MRPS35: variants seen among roughly 807,000 people sequenced by gnomAD.
The protein encoded by MRPS35 is mitochondrial ribosomal protein S35.
MRPS35 carries 29 observed loss-of-function variants against 32.7 expected under a neutral mutation model. The observed-to-expected ratio is 0.89, with a 90% CI of 0.66 to 1.21. The LOEUF is 1.21. MRPS35 is among the 50% of genes most tolerant of loss of function. MRPS35 has a pLI of 0.00. For missense variants in MRPS35, 373 were observed against 383.8 expected (o/e 0.97, Z 0.23); for synonymous variants, 148 against 139.3 (o/e 1.06, Z -0.44).
intron 5 of MRPS35, among the ~76,000 whole-genome samples, chr12:27,724,767 G>A (rs908940799): frequency 6.6e-6 from 1 of 151,776 alleles, no homozygotes; most frequent in South Asian, 2.1e-4. Flanking sequence ...TTACAAAATT[G>A]CCCGTAAATC....
At chr12:27,754,323 C>T (rs1054745350) in intron 7 of MRPS35, among the ~76,000 whole-genome samples, 1 of 152,038 alleles carries the variant, frequency 6.6e-6, no homozygotes, top group African/African-American at 2.4e-5. Context: ...TTATGTGCAT[C>T]ATATTCTTAA....
In MRPS35 at chr12:27,710,885, G is replaced by T; in HGVS notation, c.42G>T (p.Ser14=). Residue 14 remains serine (S), a synonymous_variant, in exon 1 of 8, where the codon TCG becomes TCT. Transcript: ENST00000081029. ...TCCCAGCATGGCTGTCTCTGCAGTC[G>T]AGGGCAAGGACTCTGCGTGCATTCT... ...AALPAWLSLQ[S]RARTLRAFST... 1.2e-6 allele frequency: 2 copies of T among 1,612,236 alleles called. No individual in the cohort carries two copies. The highest frequency in any genetic ancestry group is 1.7e-6 in the Non-Finnish European group (2 of 1,179,894).
intron 7 of MRPS35, among the ~76,000 whole-genome samples, chr12:27,738,563 T>C (rs1016575214): frequency 6.6e-6 from 1 of 152,194 alleles, no homozygotes; most frequent in African/African-American, 2.4e-5. Context: ...AGCCAATATG[T>C]TTAGGTAACT....
intron 7 of MRPS35, among the ~76,000 whole-genome samples, chr12:27,753,321 C>T (rs891863490): frequency 2.6e-5 from 4 of 152,138 alleles, no homozygotes; most frequent in Admixed American, 1.3e-4. Context: ...CTCTTCCTTT[C>T]GCCTCGGTGA....
At position 27,756,041 on chromosome 12, in the gene MRPS35, A is replaced by T. The variant is rs1465781086; in HGVS notation, c.*591A>T. Reference sequence around the variant, plus strand: ...CATTTTGCCAGGGCCAAGCTACCAGAAAAGTAGAAGTGGAGATTACCTGGT... The same window carrying T: ...CATTTTGCCAGGGCCAAGCTACCAGTAAAGTAGAAGTGGAGATTACCTGGT... On this transcript the variant is annotated 3_prime_UTR_variant, in exon 8 of 8. Transcript: ENST00000081029. The T allele has an allele frequency of 6.6e-6, 1 of 152,244 alleles. No individual in the cohort carries two copies. The highest frequency in any genetic ancestry group is 2.4e-5 in the African/African-American group (1 of 41,466). The allele number at this position is 152,244 out of a possible 1,614,324, so 9.4% of individuals were successfully genotyped here. A position where few individuals can be genotyped will look rare whatever the true frequency, so the allele number is the denominator to read the frequency against.
chr12:27,739,452 G>A (rs939932780), intron 7 of MRPS35, among the ~76,000 whole-genome samples: 10 of 152,190 alleles, frequency 6.6e-5, no homozygotes, highest in African/African-American at 2.4e-4. Context: ...TTTCACACAA[G>A]AGGATGAATG....
intron 3 of MRPS35, among the ~76,000 whole-genome samples, chr12:27,719,288 C>T (rs940464950): frequency 2.2e-4 from 34 of 152,068 alleles, no homozygotes; most frequent in African/African-American, 8.2e-4. Flanking sequence ...ATCCAGGTAT[C>T]ACTGTAAATT....
chr12:27,711,231 C>T (rs916723852), intron 1 of MRPS35, among the ~76,000 whole-genome samples: 2 of 152,218 alleles, frequency 1.3e-5, no homozygotes, highest in Admixed American at 6.5e-5. Context: ...GTGTTGCCCC[C>T]GTCCACAGCC....
chr12:27,716,817 A>G (rs748419065), intron 3 of MRPS35, among the ~76,000 whole-genome samples: 1 of 152,054 alleles, frequency 6.6e-6, no homozygotes, highest in Non-Finnish European at 1.5e-5. Context: ...GTGAAACCCC[A>G]TCTCTACTAA....
chr12:27,729,502 C>CT (rs2061913214), intron 5 of MRPS35, among the ~76,000 whole-genome samples: 1 of 152,018 alleles, frequency 6.6e-6, no homozygotes, highest in Admixed American at 6.6e-5. Flanking sequence ...CTGTTGCATA[C>CT]TTTAATTGTC....
intron 7 of MRPS35, among the ~76,000 whole-genome samples, chr12:27,744,243 T>C (rs951370913): frequency 1.3e-5 from 2 of 152,164 alleles, no homozygotes; most frequent in African/African-American, 4.8e-5. Flanking sequence ...TGACCTATTG[T>C]AGTTTGTACT....
intron 5 of MRPS35, among the ~76,000 whole-genome samples, chr12:27,731,132 T>C (rs1287727621): frequency 6.6e-6 from 1 of 152,228 alleles, no homozygotes; most frequent in Admixed American, 6.5e-5. Context: ...GGGAACTCTT[T>C]CCAGTGACTC....
rs754080079 is a variant in MRPS35, at chr12:27,755,411, G to T, written c.933G>T (p.Gln311His). 6.3e-7 allele frequency: 1 copy of T among 1,589,482 alleles called. No homozygotes were observed. The highest frequency in any genetic ancestry group is 2.2e-5 in the East Asian group (1 of 44,612). The change falls in exon 8 of 8, where the codon CAG (glutamine) becomes CAT (histidine). Residue 311 changes from glutamine (Q) to histidine (H), a missense_variant. Gln to His is a conservative substitution (Grantham distance 24). Coordinates refer to ENST00000081029, the MANE Select transcript of MRPS35 (RefSeq NM_021821.4). ...NEEENENSISQYKESVKRLLN... is the reference protein window; with the variant it reads ...NEEENENSISHYKESVKRLLN... ...AGGAAAATGAAAATTCCATTTCTCA[G>T]TACAAAGAATCCGTGAAGAGACTAT...
At chr12:27,734,812 C>G (rs377657023) in intron 5 of MRPS35, among the ~76,000 whole-genome samples, 3 of 152,114 alleles carry the variant, frequency 2.0e-5, no homozygotes, top group Admixed American at 2.0e-4. Flanking sequence ...CCCAATTTAC[C>G]TCGGCATTTC....
At chr12:27,746,645 G>A (rs1340734300) in intron 7 of MRPS35, among the ~76,000 whole-genome samples, 1 of 152,180 alleles carries the variant, frequency 6.6e-6, no homozygotes, top group Non-Finnish European at 1.5e-5. Context: ...CTACACAGAA[G>A]GTGACAAGCT....
At chr12:27,754,720 T>C (rs1488339786) in intron 7 of MRPS35, among the ~76,000 whole-genome samples, 6 of 147,022 alleles carry the variant, frequency 4.1e-5, no homozygotes, top group African/African-American at 1.6e-4. Flanking sequence ...TGAGCTGTGA[T>C]TGTGCCACTG....
intron 5 of MRPS35, among the ~76,000 whole-genome samples, chr12:27,731,472 T>A (rs1020607647): frequency 6.6e-6 from 1 of 152,242 alleles, no homozygotes; most frequent in Non-Finnish European, 1.5e-5. Context: ...ATTTCTGGAA[T>A]TTTCCATTTT....
chr12:27,749,151 T>G (rs1476428289), intron 7 of MRPS35, among the ~76,000 whole-genome samples: 1 of 152,094 alleles, frequency 6.6e-6, no homozygotes, highest in Non-Finnish European at 1.5e-5. Flanking sequence ...TTTTTTTTCT[T>G]CTACTTTTTA....
intron 7 of MRPS35, among the ~76,000 whole-genome samples, chr12:27,748,753 C>T (rs2061989891): frequency 6.6e-6 from 1 of 151,982 alleles, no homozygotes; most frequent in African/African-American, 2.4e-5. Context: ...TCACAGCAAC[C>T]TCAGCCTCTT....
Sources: gnomAD v4.1 joint callset for allele counts (sites outside exome capture counted in the v4.1 genomes callset) on GRCh38, gnomAD v4.1.1 for gene constraint, MANE v1.5 for transcripts, NCBI Gene and HGNC (gene_info 2026-07-23, HGNC 2026-07-21) for gene names.